The following WDPCP variants were observed in gnomAD, a reference collection of about 807,000 sequenced individuals.
WDPCP encodes the protein WD repeat containing planar cell polarity effector, also known as WD repeat-containing and planar cell polarity effector protein fritz homolog.
A neutral mutation model predicts 93.1 loss-of-function variants in WDPCP; 71 were observed. That is an observed-to-expected ratio of 0.76 (90% CI 0.63 to 0.93). The LOEUF is 0.93. WDPCP is among the 40% of genes least tolerant of loss of function. The pLI is 0.00. For synonymous variants in WDPCP, 315 were observed against 315.0 expected, an observed-to-expected ratio of 1.00 and a Z score of 0.00; for missense variants, 844 against 887.4, an observed-to-expected ratio of 0.95 and a Z score of 0.62.
chr2:63,324,401 C>T (rs1195136079), intron 12 of WDPCP, among the ~76,000 whole-genome samples: 3 of 152,212 alleles, frequency 2.0e-5, no homozygotes, highest in South Asian at 2.1e-4. Context: ...CAAAAACCCC[C>T]GGGCTATCGG....
intron 9 of WDPCP, among the ~76,000 whole-genome samples, chr2:63,429,976 T>TACACACACACACACACAC (rs199517613): frequency 7.3e-6 from 1 of 137,342 alleles, no homozygotes; most frequent in African/African-American, 2.7e-5. Context: ...GAAAATGTTA[T>TACACACACACACACACAC]ACACACACAC....
At chr2:63,181,842 T>G (rs1167775198) in intron 14 of WDPCP, among the ~76,000 whole-genome samples, 2 of 152,018 alleles carry the variant, frequency 1.3e-5, no homozygotes, top group African/African-American at 4.8e-5. Flanking sequence ...ATTTGTGTCA[T>G]GTATGATTTC....
At chr2:63,556,530 T>C (rs1706136760) in intron 1 of WDPCP, among the ~76,000 whole-genome samples, 1 of 152,186 alleles carries the variant, frequency 6.6e-6, no homozygotes, top group Non-Finnish European at 1.5e-5. Flanking sequence ...CTCAGTGAAA[T>C]TTGTTATTAC....
chr2:63,138,628 A>C (rs565346544), intron 17 of WDPCP, among the ~76,000 whole-genome samples: 1 of 151,448 alleles, frequency 6.6e-6, no homozygotes, highest in South Asian at 2.1e-4. Flanking sequence ...AATTTTTTGT[A>C]TTTTTAGTAG....
At chr2:63,246,293 T>G (rs1472449398) in intron 14 of WDPCP, among the ~76,000 whole-genome samples, 8 of 152,182 alleles carry the variant, frequency 5.3e-5, no homozygotes, top group Non-Finnish European at 7.3e-5. Flanking sequence ...CCTGGTCGGT[T>G]TCATAAACAT....
intron 1 of WDPCP, chr2:63,827,563 A>G (rs1449116380): frequency 6.6e-6 from 1 of 152,228 alleles, no homozygotes; most frequent in Non-Finnish European, 1.5e-5. Flanking sequence ...TTTCATTTGC[A>G]TAAGACAGAC....
chr2:63,374,231 T>G (rs1003701428), intron 12 of WDPCP, among the ~76,000 whole-genome samples: 6 of 152,090 alleles, frequency 3.9e-5, no homozygotes, highest in Admixed American at 1.3e-4. Flanking sequence ...GTACACAACC[T>G]TTGTAAACCA....
chr2:63,757,418 C>CT (rs1014325137), intron 2 of WDPCP, among the ~76,000 whole-genome samples: 18 of 152,122 alleles, frequency 1.2e-4, no homozygotes, highest in South Asian at 4.2e-4. Context: ...GAAAATCTGT[C>CT]TTTTTTTTAT....
At chr2:63,837,494 A>T in the WDPCP span, among the ~76,000 whole-genome samples, 1 of 152,180 alleles carries the variant, frequency 6.6e-6, no homozygotes, top group Non-Finnish European at 1.5e-5. Context: ...ATGACACAGA[A>T]ATTTTTATGT....
intron 3 of WDPCP, among the ~76,000 whole-genome samples, chr2:63,635,555 A>C (rs954980709): frequency 4.6e-5 from 7 of 152,202 alleles, no homozygotes; most frequent in Admixed American, 6.5e-5. Context: ...GGTTCAATAG[A>C]CACAAATCAA....
At chr2:63,295,589 T>C (rs981685273) in intron 13 of WDPCP, among the ~76,000 whole-genome samples, 1 of 151,624 alleles carries the variant, frequency 6.6e-6, no homozygotes, top group African/African-American at 2.4e-5. Context: ...AACAGTGAAA[T>C]TGCAACTGAT....
At chr2:63,164,907 A>ATG (rs1158682164) in intron 15 of WDPCP, among the ~76,000 whole-genome samples, 10 of 152,170 alleles carry the variant, frequency 6.6e-5, no homozygotes, top group African/African-American at 2.2e-4. Flanking sequence ...CCTCCAAAGA[A>ATG]ATTACAAGGG....
chr2:63,303,400 G>C (rs1381197443), intron 13 of WDPCP, among the ~76,000 whole-genome samples: 1 of 152,136 alleles, frequency 6.6e-6, no homozygotes, highest in Non-Finnish European at 1.5e-5. Context: ...TATAATGGTA[G>C]ACTGAATAAA....
intron 2 of WDPCP, among the ~76,000 whole-genome samples, chr2:63,807,504 C>T (rs1350270437): frequency 1.3e-5 from 2 of 152,200 alleles, no homozygotes; most frequent in African/African-American, 4.8e-5. Flanking sequence ...CTTATATATC[C>T]TGCAGAACCA....
intron 6 of WDPCP, among the ~76,000 whole-genome samples, chr2:63,449,608 T>G (rs545664980): frequency 5.3e-5 from 8 of 152,246 alleles, no homozygotes; most frequent in African/African-American, 1.9e-4. Context: ...CACTATGGAC[T>G]GCTGCAATCT....
chr2:63,472,391 A>C (rs895171584), intron 6 of WDPCP, among the ~76,000 whole-genome samples: 4 of 151,622 alleles, frequency 2.6e-5, no homozygotes, highest in African/African-American at 9.7e-5. Context: ...TATTAGTTAG[A>C]TATTACATCT....
intron 17 of WDPCP, among the ~76,000 whole-genome samples, chr2:63,133,935 G>A (rs1021104001): frequency 1.3e-5 from 2 of 152,184 alleles, no homozygotes; most frequent in Non-Finnish European, 2.9e-5. Context: ...GGTTTCTGTA[G>A]ACCTTTGACT....
intron 14 of WDPCP, among the ~76,000 whole-genome samples, chr2:63,186,424 C>T (rs1674645011): frequency 6.6e-6 from 1 of 152,212 alleles, no homozygotes; most frequent in Non-Finnish European, 1.5e-5. Context: ...CTACTGTTGC[C>T]AGGTTACTGA....
intron 2 of WDPCP, among the ~76,000 whole-genome samples, chr2:63,700,877 AT>A (rs1669038274): frequency 6.6e-6 from 1 of 152,250 alleles, no homozygotes; most frequent in East Asian, 1.9e-4. Flanking sequence ...AATAAAATGG[AT>A]TGATGACTTA....
Sources: allele counts gnomAD v4.1 joint callset (sites outside exome capture counted in the v4.1 genomes callset), GRCh38; gene constraint gnomAD v4.1.1; transcripts MANE v1.5; gene names NCBI Gene and HGNC (gene_info 2026-07-23, HGNC 2026-07-21).